The following RBFOX1 variants were observed in gnomAD, a reference collection of about 807,000 sequenced individuals.
The protein encoded by RBFOX1 is RNA binding fox-1 homolog 1.
A neutral mutation model predicts 57.7 loss-of-function variants in RBFOX1; 8 were observed. That is an observed-to-expected ratio of 0.14 (90% CI 0.08 to 0.25). The LOEUF (loss-of-function observed/expected upper bound fraction) is 0.25, where lower values mean the gene tolerates loss of function less well. Ranked by LOEUF, RBFOX1 falls within the 10% of genes least tolerant of loss-of-function variation. The pLI, the probability that RBFOX1 is intolerant of heterozygous loss-of-function variation, is 1.00. For missense variants in RBFOX1, 611 were observed against 548.5 expected, an observed-to-expected ratio of 1.11 and a Z score of -1.14; for synonymous variants, 326 against 222.4, an observed-to-expected ratio of 1.47 and a Z score of -4.15.
At chr16:6,536,637 T>C (rs1430438764) in intron 2 of RBFOX1, among the ~76,000 whole-genome samples, 2 of 152,172 alleles carry the variant, frequency 1.3e-5, no homozygotes, top group African/African-American at 4.8e-5. Context: ...CAGAAGTGTT[T>C]CTTCAGCTAG....
intron 4 of RBFOX1, among the ~76,000 whole-genome samples, chr16:7,422,108 G>T (rs1430962183): frequency 2.6e-5 from 4 of 152,140 alleles, no homozygotes; most frequent in African/African-American, 9.7e-5. Flanking sequence ...GGCTTTGGTC[G>T]AGCCTGTGAT....
intron 4 of RBFOX1, among the ~76,000 whole-genome samples, chr16:7,292,059 A>G (rs1368042801): frequency 1.3e-5 from 1 of 75,970 alleles, no homozygotes; most frequent in East Asian, 3.9e-4. Context: ...TACATATTGT[A>G]TATATTATAT....
At chr16:5,369,313 A>T (rs35843780) in intron 1 of RBFOX1, among the ~76,000 whole-genome samples, 22,786 of 152,032 alleles carry the variant, frequency 0.15, 2,337 homozygotes, top group Non-Finnish European at 0.21. Flanking sequence ...ATAGTTTTTT[A>T]AAATGTAAAA....
rs200926606 is a variant in RBFOX1, at chr16:7,710,867, A to C, written c.*122A>C. Reference sequence around the variant, plus strand: ...TCTAAAAAAAAAAAAAATACAAATAAAAAGGAAAAAAAATTACATTTTTTA... The same window carrying C: ...TCTAAAAAAAAAAAAAATACAAATACAAAGGAAAAAAAATTACATTTTTTA... On this transcript the variant is annotated 3_prime_UTR_variant, in exon 16 of 16. Coordinates refer to ENST00000550418, the MANE Select transcript of RBFOX1 (RefSeq NM_018723.4). 43 of 1,007,518 alleles carry C rather than the reference A, an allele frequency of 4.3e-5. No homozygotes were observed. The East Asian group carries it at 1.1e-3, about 26-fold the overall frequency. The allele number at this position is 1,007,518 out of a possible 1,614,324, so 62.4% of individuals were successfully genotyped here.
chr16:7,404,196 G>A (rs1041478125), intron 4 of RBFOX1, among the ~76,000 whole-genome samples: 19 of 151,854 alleles, frequency 1.3e-4, no homozygotes, highest in Admixed American at 1.1e-3. Context: ...GTGATTACAC[G>A]TGTGAGACCC....
At chr16:5,807,763 C>T (rs752808161) in intron 3 of RBFOX1, among the ~76,000 whole-genome samples, 4 of 152,140 alleles carry the variant, frequency 2.6e-5, no homozygotes, top group Non-Finnish European at 5.9e-5. Context: ...AATCTTGTTA[C>T]AATGCAGGCT....
At chr16:7,159,715 G>A (rs1035763762) in intron 4 of RBFOX1, among the ~76,000 whole-genome samples, 1 of 152,184 alleles carries the variant, frequency 6.6e-6, no homozygotes, top group Non-Finnish European at 1.5e-5. Flanking sequence ...TGGCTGGCTA[G>A]TCTGTTGGAT....
chr16:6,512,454 G>T (rs1465608195), intron 2 of RBFOX1, among the ~76,000 whole-genome samples: 2 of 152,118 alleles, frequency 1.3e-5, no homozygotes, highest in African/African-American at 2.4e-5. Flanking sequence ...TCTTGGATAG[G>T]TCATGGAGTT....
In RBFOX1 at chr16:7,292,017, T is replaced by G. The variant is rs1302124613; in HGVS notation, c.28-226130T>G. 1.4e-5 allele frequency among the ~76,000 whole-genome samples: 2 copies of G among 140,522 alleles called. 1 individual carries two copies. The highest frequency in any genetic ancestry group is 3.9e-4 in the East Asian group (2 of 5,082). 92.2% of individuals were successfully genotyped at this position (140,522 alleles called of 152,430 possible). ...GATGTATTATATGTATTATATATTG[T>G]ATATATTATATTATACAATTATAGT... On this transcript the variant is annotated intron_variant, in intron 4 of 15. Coordinates refer to ENST00000550418, the MANE Select transcript of RBFOX1 (RefSeq NM_018723.4).
chr16:7,371,394 A>T (rs2097562887), intron 4 of RBFOX1, among the ~76,000 whole-genome samples: 1 of 152,204 alleles, frequency 6.6e-6, no homozygotes, highest in Admixed American at 6.5e-5. Context: ...CTTGGATCTT[A>T]CTAAAGCTAA....
chr16:7,210,611 T>A (rs201653465), intron 4 of RBFOX1, among the ~76,000 whole-genome samples: 1 of 104,134 alleles, frequency 9.6e-6, no homozygotes, highest in Non-Finnish European at 2.0e-5. Context: ...GATGCTAATG[T>A]TGATGATGAT....
Position 6,796,706 on chromosome 16 carries a change from A to G in RBFOX1, c.-16+142056A>G, listed in dbSNP as rs76459326. ...CCAATTGGTAAGAGATTCTTTTTTG[A>G]TGAACTTTCTCTCCTGGGTACACAT... On this transcript the variant is annotated intron_variant, in intron 3 of 15. Coordinates refer to ENST00000550418, the MANE Select transcript of RBFOX1 (RefSeq NM_018723.4). Among the ~76,000 whole-genome samples, 101 of 152,200 alleles carry G rather than the reference A, an allele frequency of 6.6e-4. No homozygotes were observed. In the East Asian group the frequency reaches 0.018, roughly 27 times the overall value.
At chr16:6,004,706 C>G (rs75189526) in intron 4 of RBFOX1, among the ~76,000 whole-genome samples, 1 of 152,110 alleles carries the variant, frequency 6.6e-6, no homozygotes, top group Admixed American at 6.5e-5. Flanking sequence ...TTTAGAGGTC[C>G]TCATCAGGGT....
chr16:7,586,723 A>G, intron 6 of RBFOX1, among the ~76,000 whole-genome samples: 1 of 152,216 alleles, frequency 6.6e-6, no homozygotes, highest in East Asian at 1.9e-4. Flanking sequence ...AACTGCTGAT[A>G]CCATCATGAT....
chr16:6,055,939 A>C (rs1393443503), intron 1 of RBFOX1, among the ~76,000 whole-genome samples: 1 of 152,146 alleles, frequency 6.6e-6, no homozygotes, highest in Non-Finnish European at 1.5e-5. Context: ...CACTTAGGTT[A>C]TTTCTTTCCT....
chr16:6,288,615 G>C (rs1187151258), intron 1 of RBFOX1, among the ~76,000 whole-genome samples: 2 of 152,146 alleles, frequency 1.3e-5, no homozygotes. Flanking sequence ...GCTGTTGTCT[G>C]AGTTGCACTT....
chr16:7,688,244 TGTGTGTGTGTGTGTGTGA>T (rs1481335820), intron 14 of RBFOX1, among the ~76,000 whole-genome samples: 45 of 145,972 alleles, frequency 3.1e-4, no homozygotes, highest in East Asian at 8.3e-4. Context: ...TGTGTGTGTG[TGTGTGTGTGTGTGTGTGA>T]GAGAGAGAGA....
At chr16:6,952,224 G>C (rs1423646405) in intron 3 of RBFOX1, among the ~76,000 whole-genome samples, 1 of 152,190 alleles carries the variant, frequency 6.6e-6, no homozygotes, top group East Asian at 1.9e-4. Flanking sequence ...GAAAGAAAAA[G>C]AGTAGGACCT....
At chr16:7,390,419 G>A (rs999090607) in intron 4 of RBFOX1, among the ~76,000 whole-genome samples, 2 of 152,170 alleles carry the variant, frequency 1.3e-5, no homozygotes, top group Non-Finnish European at 2.9e-5. Flanking sequence ...GGAGTCAGAA[G>A]ACTTGGGTTT....
Sources: gnomAD v4.1 joint callset for allele counts (sites outside exome capture counted in the v4.1 genomes callset) on GRCh38, gnomAD v4.1.1 for gene constraint, MANE v1.5 for transcripts, NCBI Gene and HGNC (gene_info 2026-07-23, HGNC 2026-07-21) for gene names.